MBNL1: variants seen among roughly 807,000 people sequenced by gnomAD.
MBNL1 encodes the protein muscleblind like splicing regulator 1.
A neutral mutation model predicts 42.2 loss-of-function variants in MBNL1; 8 were observed. The ratio of observed to expected loss-of-function variants is 0.19; its 90% CI spans 0.11 to 0.34. The LOEUF (loss-of-function observed/expected upper bound fraction) is 0.34. MBNL1 is among the 10% of genes least tolerant of loss of function. MBNL1 has a pLI of 1.00. For synonymous variants in MBNL1, 169 were observed against 173.9 expected (o/e 0.97, Z 0.22); for missense variants, 309 against 495.3 (o/e 0.62, Z 3.57).
intron 1 of MBNL1, among the ~76,000 whole-genome samples, chr3:152,275,782 A>G (rs2044740545): frequency 6.6e-6 from 1 of 150,504 alleles, no homozygotes; most frequent in Admixed American, 6.6e-5. Flanking sequence ...GGACCTCATT[A>G]GAGGATACAT....
intron 2 of MBNL1, among the ~76,000 whole-genome samples, chr3:152,413,690 G>T (rs772490680): frequency 6.6e-6 from 1 of 152,092 alleles, no homozygotes. Flanking sequence ...ATACTAAATT[G>T]GTGTTTTTAG....
At chr3:152,459,590 A>G (rs1740805302) in intron 9 of MBNL1, among the ~76,000 whole-genome samples, 1 of 152,216 alleles carries the variant, frequency 6.6e-6, no homozygotes, top group Admixed American at 6.5e-5. Context: ...TAAACACAGC[A>G]TAAAGAAAAT....
intron 1 of MBNL1, among the ~76,000 whole-genome samples, chr3:152,295,453 C>T (rs1234284277): frequency 1.3e-5 from 2 of 152,122 alleles, no homozygotes; most frequent in Admixed American, 6.5e-5. Context: ...TAATCTATTT[C>T]ATCAGTGTTG....
At chr3:152,371,010 A>G (rs1388582584) in intron 2 of MBNL1, among the ~76,000 whole-genome samples, 2 of 151,992 alleles carry the variant, frequency 1.3e-5, no homozygotes, top group Non-Finnish European at 2.9e-5. Context: ...TAAGGTTAAT[A>G]TTGTTATGTG....
intron 4 of MBNL1, among the ~76,000 whole-genome samples, chr3:152,443,262 G>A (rs1460918955): frequency 6.9e-6 from 1 of 145,438 alleles, no homozygotes; most frequent in Non-Finnish European, 1.5e-5. Flanking sequence ...TGTTAATGCG[G>A]CAAAGAGTAA....
intron 1 of MBNL1, among the ~76,000 whole-genome samples, chr3:152,289,005 AAGT>A (rs2054273876): frequency 6.6e-6 from 1 of 151,998 alleles, no homozygotes; most frequent in African/African-American, 2.4e-5. Flanking sequence ...AGTGTAGATA[AAGT>A]ACAGCATAGG....
intron 4 of MBNL1, among the ~76,000 whole-genome samples, chr3:152,442,516 G>A (rs2099157973): frequency 6.6e-6 from 1 of 152,138 alleles, no homozygotes; most frequent in African/African-American, 2.4e-5. Flanking sequence ...CAAATTCTCT[G>A]TATGATAAAT....
chr3:152,458,236 T>C (rs774216671), intron 8 of MBNL1: 1 of 1,567,360 alleles, frequency 6.4e-7, no homozygotes, highest in South Asian at 1.1e-5. Flanking sequence ...TTTCGTGCCA[T>C]TTGCCAATGC....
chr3:152,288,795 A>G (rs1412662605), intron 1 of MBNL1, among the ~76,000 whole-genome samples: 6 of 152,214 alleles, frequency 3.9e-5, no homozygotes, highest in Admixed American at 6.5e-5. Context: ...TGCAAATACT[A>G]TGATTGTTTT....
chr3:152,367,550 G>C (rs1446244657), intron 2 of MBNL1, among the ~76,000 whole-genome samples: 6 of 152,184 alleles, frequency 3.9e-5, no homozygotes, highest in African/African-American at 1.4e-4. Context: ...ACCCAGTAAT[G>C]GGATTGCTGA....
chr3:152,296,993 A>T (rs1024046878), intron 1 of MBNL1, among the ~76,000 whole-genome samples: 6 of 152,216 alleles, frequency 3.9e-5, no homozygotes, highest in African/African-American at 1.4e-4. Flanking sequence ...TAATTCAGAG[A>T]AGGCAGTATT....
intron 2 of MBNL1, among the ~76,000 whole-genome samples, chr3:152,368,495 G>T (rs1258211419): frequency 1.3e-5 from 2 of 152,074 alleles, no homozygotes; most frequent in Non-Finnish European, 2.9e-5. Context: ...GCTTATACAG[G>T]CTCTTTTTTG....
At chr3:152,341,067 AT>A in intron 2 of MBNL1, 1 of 815,398 alleles carries the variant, frequency 1.2e-6, no homozygotes, top group Non-Finnish European at 1.8e-6. Flanking sequence ...ATATGAAAAC[AT>A]TCAAGTTTAT....
chr3:152,395,334 A>G (rs2097885362), intron 2 of MBNL1, among the ~76,000 whole-genome samples: 1 of 152,220 alleles, frequency 6.6e-6, no homozygotes, highest in Non-Finnish European at 1.5e-5. Flanking sequence ...AATATAAATT[A>G]TTTTAAACTT....
chr3:152,335,983 C>CGGTA (rs2089775237), intron 2 of MBNL1, among the ~76,000 whole-genome samples: 1 of 152,138 alleles, frequency 6.6e-6, no homozygotes, highest in Non-Finnish European at 1.5e-5. Context: ...ACATGTGGCA[C>CGGTA]TACCGGACAG....
chr3:152,271,388 A>C (rs903040421), intron 1 of MBNL1, among the ~76,000 whole-genome samples: 6 of 152,234 alleles, frequency 3.9e-5, no homozygotes, highest in African/African-American at 1.4e-4. Context: ...AGGGTGTGTT[A>C]CTTTATTATA....
At chr3:152,263,633 G>A (rs1483967194), upstream of MBNL1, 2 of 152,150 alleles carry the variant, frequency 1.3e-5, no homozygotes, top group Non-Finnish European at 2.9e-5. Flanking sequence ...AGCAGTGGTG[G>A]ACTTCATGCA....
At chr3:152,444,566 A>G (rs1276501512) in intron 4 of MBNL1, among the ~76,000 whole-genome samples, 1 of 152,228 alleles carries the variant, frequency 6.6e-6, no homozygotes, top group African/African-American at 2.4e-5. Context: ...GTTTCTGTCT[A>G]CGCTTTACTG....
chr3:152,261,245 G>T (rs2036215996), intron 2 of MBNL1, among the ~76,000 whole-genome samples: 1 of 152,126 alleles, frequency 6.6e-6, no homozygotes, highest in Non-Finnish European at 1.5e-5. Context: ...TCAGGGTTAA[G>T]AACCACCGCC....
Sources: allele counts gnomAD v4.1 joint callset (sites outside exome capture counted in the v4.1 genomes callset), GRCh38; gene constraint gnomAD v4.1.1; transcripts MANE v1.5; gene names NCBI Gene and HGNC (gene_info 2026-07-23, HGNC 2026-07-21).